The following SYT1 variants were observed in gnomAD, a reference collection of about 807,000 sequenced individuals.
SYT1 encodes synaptotagmin-1.
A neutral mutation model predicts 44.8 loss-of-function variants in SYT1; 8 were observed. The observed-to-expected ratio is 0.18, with a 90% CI of 0.10 to 0.32. The LOEUF is 0.32. Among genes scored for constraint, SYT1 ranks in the 10% least tolerant of loss-of-function variants. The pLI is 1.00. For synonymous variants in SYT1, 154 were observed against 188.8 expected (o/e 0.82, Z 1.51); for missense variants, 286 against 509.3 (o/e 0.56, Z 4.22).
intron 8 of SYT1, among the ~76,000 whole-genome samples, chr12:79,312,303 G>A (rs909259284): frequency 3.3e-5 from 5 of 152,124 alleles, no homozygotes; most frequent in African/African-American, 1.2e-4. Flanking sequence ...GATTGTCAGG[G>A]CCTGTATTAG....
intron 4 of SYT1, among the ~76,000 whole-genome samples, chr12:79,245,140 A>G (rs1055504013): frequency 6.6e-6 from 1 of 151,990 alleles, no homozygotes; most frequent in African/African-American, 2.4e-5. Flanking sequence ...AAACATAAAT[A>G]AATAACTTCT....
chr12:79,320,770 G>T (rs1319202638), intron 8 of SYT1, among the ~76,000 whole-genome samples: 2 of 147,576 alleles, frequency 1.4e-5, no homozygotes, highest in African/African-American at 5.0e-5. Flanking sequence ...CTATAGGCAT[G>T]TTCCACCAGG....
At chr12:79,239,468 G>GCATTTACAT (rs1876375626) in intron 4 of SYT1, among the ~76,000 whole-genome samples, 1 of 152,138 alleles carries the variant, frequency 6.6e-6, no homozygotes, top group South Asian at 2.1e-4. Flanking sequence ...TAACAATAAT[G>GCATTTACAT]CATTTACATT....
intron 8 of SYT1, among the ~76,000 whole-genome samples, chr12:79,314,003 A>G (rs1376092104): frequency 1.3e-5 from 2 of 150,554 alleles, no homozygotes; most frequent in South Asian, 4.2e-4. Context: ...CCCCGTCTCT[A>G]CTAAAAATAC....
intron 7 of SYT1, among the ~76,000 whole-genome samples, chr12:79,297,505 G>T (rs1296131085): frequency 6.6e-6 from 1 of 151,978 alleles, no homozygotes; most frequent in African/African-American, 2.4e-5. Context: ...ATGTATTGGG[G>T]CTTTGTTTTG....
chr12:79,023,312 A>T (rs1398837437), intron 2 of SYT1, among the ~76,000 whole-genome samples: 7 of 151,836 alleles, frequency 4.6e-5, no homozygotes, highest in African/African-American at 1.7e-4. Flanking sequence ...TTCATAGAGG[A>T]GGGAAGAAGA....
In SYT1 at chr12:79,217,528, C is replaced by T. The variant is rs747445457; in HGVS notation, c.9C>T (p.Ser3=). ...CTTCACCTGAACCTAAAATGGTGAGCGAGAGTCACCATGAGGCCCTGGCAG... is the reference window on the plus strand; with the variant it reads ...CTTCACCTGAACCTAAAATGGTGAGTGAGAGTCACCATGAGGCCCTGGCAG... MV[S]ESHHEALAAP... is the part of the protein sequence containing the mutation. The change falls in exon 4 of 11, where the codon AGC becomes AGT. Residue 3 remains serine, a synonymous_variant. Coordinates refer to ENST00000261205, the MANE Select transcript of SYT1 (RefSeq NM_005639.3). 3 of 1,593,138 alleles carry T rather than the reference C, an allele frequency of 1.9e-6. No individual in the cohort carries two copies. Among genetic ancestry groups the T allele is most frequent in the Non-Finnish European group, 1.7e-6 (2 of 1,171,232 alleles).
rs370016053 is a variant in SYT1 at position 79,149,976 on chromosome 12, G to A, written c.-17-67527G>A. Among the ~76,000 whole-genome samples the A allele has an allele frequency of 5.9e-5, 9 of 152,228 alleles. 1 individual carries two copies. Among genetic ancestry groups the A allele is most frequent in the East Asian group, 3.9e-4 (2 of 5,182 alleles). The stretch of plus-strand genomic sequence containing the variant: ...GTGAATGAATGAAAGGTCTGAAACG[G>A]TGTTTTGTTATGTAACCCAGATTAG... On this transcript the variant is annotated intron_variant, in intron 3 of 10. Transcript: ENST00000261205.
intron 9 of SYT1, among the ~76,000 whole-genome samples, chr12:79,425,611 A>G (rs556594040): frequency 7.2e-5 from 11 of 152,280 alleles, no homozygotes; most frequent in Non-Finnish European, 1.2e-4. Context: ...AAATCCCAAT[A>G]AAAATCTTAG....
At position 79,292,046 on chromosome 12, in the gene SYT1, T is replaced by G. The variant is rs1219685444; in HGVS notation, c.390T>G (p.Asp130Glu). The G allele has an allele frequency of 6.2e-7, 1 of 1,613,936 alleles. No homozygotes were observed. The highest frequency in any genetic ancestry group is 1.7e-5 in the Admixed American group (1 of 60,006). ...KDDDAETGLTDGEEKEEPKEE... is the reference protein window; with the variant it reads ...KDDDAETGLTEGEEKEEPKEE... ...ATGATGCTGAAACTGGATTGACAGA[T>G]GGAGAAGAAAAAGAAGAACCCAAAG... The change falls in exon 6 of 11, where the codon GAT becomes GAG. Residue 130 changes from aspartate (D) to glutamate (E), a missense_variant. By Grantham distance (45) the Asp-to-Glu change is conservative. Transcript: ENST00000261205.
intron 8 of SYT1, among the ~76,000 whole-genome samples, chr12:79,318,484 C>A (rs1025557566): frequency 6.6e-6 from 1 of 152,122 alleles, no homozygotes; most frequent in African/African-American, 2.4e-5. Context: ...AATTTCTGGG[C>A]CCTGGATAAC....
At position 79,131,502 on chromosome 12, in the gene SYT1, A is replaced by G. The variant is rs371875635; in HGVS notation, c.-18+84140A>G. On this transcript the variant is annotated intron_variant, in intron 3 of 10. Coordinates refer to ENST00000261205, the MANE Select transcript of SYT1 (RefSeq NM_005639.3). ...ATGATGTACTTTAGGGACTTCCACA[A>G]TTATGTTCTGATCAATCCTAGGTTT... Among the ~76,000 whole-genome samples, 16 of 152,268 alleles carry G rather than the reference A, an allele frequency of 1.1e-4. 1 individual carries two copies. Among genetic ancestry groups the G allele is most frequent in the East Asian group, 7.7e-4 (4 of 5,192 alleles).
intron 9 of SYT1, among the ~76,000 whole-genome samples, chr12:79,432,359 C>T (rs1015964570): frequency 6.6e-6 from 1 of 151,996 alleles, no homozygotes; most frequent in African/African-American, 2.4e-5. Flanking sequence ...CTATCCCTCC[C>T]CCTGCCCCCC....
In SYT1 at chr12:79,449,216, C is replaced by A; in HGVS notation, c.*92C>A. On this transcript the variant is annotated 3_prime_UTR_variant, in exon 11 of 11. Transcript: ENST00000261205. ...AGTAATATGGGTCCTTTCATTTTTC[C>A]AGCCATGCATTCCTAACACAATTCA... is the stretch of plus-strand genomic sequence containing the variant. 2 of 1,310,820 alleles carry A rather than the reference C, an allele frequency of 1.5e-6. No homozygotes were observed. The highest frequency in any genetic ancestry group is 2.1e-6 in the Non-Finnish European group (2 of 949,220). The allele number at this position is 1,310,820 out of a possible 1,614,324, so 81.2% of individuals were successfully genotyped here.
intron 3 of SYT1, among the ~76,000 whole-genome samples, chr12:79,104,071 A>T (rs946003858): frequency 1.3e-5 from 2 of 152,164 alleles, no homozygotes; most frequent in African/African-American, 4.8e-5. Context: ...GTCACTGGAA[A>T]ATAGTGTTTT....
At chr12:78,977,997 C>A (rs1868970135) in intron 2 of SYT1, 66 bp downstream of exon 2, 1 of 152,172 alleles carries the variant, frequency 6.6e-6, no homozygotes, top group South Asian at 2.1e-4. Flanking sequence ...CCATCCATAT[C>A]TTTTTATATG....
rs377648658 is a variant in SYT1 at position 79,217,662 on chromosome 12, T to C, written c.143T>C (p.Met48Thr). The C allele has an allele frequency of 1.2e-6, 2 of 1,612,822 alleles. No homozygotes were observed. The highest frequency in any genetic ancestry group is 8.5e-7 in the Non-Finnish European group (1 of 1,179,402). ...DAFSKLKEKF[M>T]NELHKIPLPP... is the part of the protein sequence containing the mutation. ...TTTTCTAAGCTGAAGGAGAAGTTTA[T>C]GAATGAGTTGCATAAAATTCCATGT... The change falls in exon 4 of 11, where the codon ATG becomes ACG. Residue 48 changes from methionine (M) to threonine (T), a missense_variant. Coordinates refer to ENST00000261205, the MANE Select transcript of SYT1 (RefSeq NM_005639.3).
intron 2 of SYT1, among the ~76,000 whole-genome samples, chr12:79,040,639 T>A (rs1029669935): frequency 6.6e-5 from 10 of 151,986 alleles, no homozygotes; most frequent in Admixed American, 3.9e-4. Flanking sequence ...TAGATCCCAT[T>A]TGTCAATTTT....
At chr12:78,891,108 T>C (rs1407167728) in intron 1 of SYT1, among the ~76,000 whole-genome samples, 1 of 151,938 alleles carries the variant, frequency 6.6e-6, no homozygotes, top group Non-Finnish European at 1.5e-5. Context: ...TTTTATTTTG[T>C]TTTGTTTTCA....
Sources: allele counts gnomAD v4.1 joint callset (sites outside exome capture counted in the v4.1 genomes callset), GRCh38; gene constraint gnomAD v4.1.1; transcripts MANE v1.5; gene names NCBI Gene and HGNC (gene_info 2026-07-23, HGNC 2026-07-21).